Variants in CALN1 observed in about 807,000 individuals in gnomAD.
The protein encoded by CALN1 is calcium-binding protein 8.
CALN1 carries 17 observed loss-of-function variants against 30.6 expected under a neutral mutation model. The ratio of observed to expected loss-of-function variants is 0.56; its 90% CI spans 0.38 to 0.83. CALN1 has a LOEUF of 0.83. Among genes scored for constraint, CALN1 ranks in the 40% least tolerant of loss-of-function variants. The pLI, the probability that CALN1 is intolerant of heterozygous loss-of-function variation, is 0.00. For synonymous variants in CALN1, 156 were observed against 131.4 expected (o/e 1.19, Z -1.28); for missense variants, 291 against 354.9 (o/e 0.82, Z 1.45).
At chr7:72,067,012 C>T (rs1278717803) in intron 4 of CALN1, among the ~76,000 whole-genome samples, 1 of 151,346 alleles carries the variant, frequency 6.6e-6, no homozygotes, top group Non-Finnish European at 1.5e-5. Flanking sequence ...TGGTTTTGAA[C>T]TCCTGAGCTC....
chr7:72,089,743 A>G (rs1043760051), intron 4 of CALN1, among the ~76,000 whole-genome samples: 1 of 152,332 alleles, frequency 6.6e-6, no homozygotes, highest in East Asian at 1.9e-4. Context: ...GGTGAAATCC[A>G]CTATGAGGAC....
At chr7:72,487,889 G>GA in the CALN1 span, among the ~76,000 whole-genome samples, 1 of 51,972 alleles carries the variant, frequency 1.9e-5, no homozygotes, top group African/African-American at 9.2e-5. Context: ...AGAAAGAAAA[G>GA]AAAAGAAAGA....
At chr7:72,108,748 C>T (rs763928141) in intron 3 of CALN1, among the ~76,000 whole-genome samples, 1 of 150,788 alleles carries the variant, frequency 6.6e-6, no homozygotes, top group Non-Finnish European at 1.5e-5. Context: ...TCTCACCATG[C>T]CGCAAGACAC....
chr7:72,378,692 T>G (rs1033093305), intron 2 of CALN1, among the ~76,000 whole-genome samples: 37 of 152,168 alleles, frequency 2.4e-4, no homozygotes, highest in African/African-American at 8.9e-4. Flanking sequence ...GCCAAGTTTT[T>G]TTTTTTTTGA....
intron 3 of CALN1, among the ~76,000 whole-genome samples, chr7:72,248,351 G>A (rs1795326968): frequency 6.6e-6 from 1 of 152,016 alleles, no homozygotes; most frequent in Non-Finnish European, 1.5e-5. Context: ...CACCCACCTT[G>A]GCCTCCCAAA....
At chr7:72,188,710 T>C (rs1367027009) in intron 3 of CALN1, among the ~76,000 whole-genome samples, 5 of 152,020 alleles carry the variant, frequency 3.3e-5, no homozygotes, top group Non-Finnish European at 5.9e-5. Context: ...AAATAGAAAA[T>C]TTAAAAATAA....
chr7:72,234,198 A>G (rs1054897391), intron 3 of CALN1, among the ~76,000 whole-genome samples: 7 of 152,170 alleles, frequency 4.6e-5, no homozygotes, highest in Non-Finnish European at 4.4e-5. Flanking sequence ...AAGGTAAAGC[A>G]GGATTAGAAC....
chr7:72,115,084 G>A (rs942336839), intron 3 of CALN1, among the ~76,000 whole-genome samples: 1 of 146,168 alleles, frequency 6.8e-6, no homozygotes, highest in Non-Finnish European at 1.5e-5. Flanking sequence ...CATTATATAT[G>A]GACATTATAC....
chr7:72,201,502 G>T (rs565831854), intron 3 of CALN1, among the ~76,000 whole-genome samples: 1 of 151,720 alleles, frequency 6.6e-6, no homozygotes, highest in East Asian at 1.9e-4. Flanking sequence ...GAGGCAGGAG[G>T]ATCGCTTGAA....
In CALN1 at chr7:72,140,332, AAGGAAGGAAGGGAGGG is replaced by A. The variant is rs1349920772; in HGVS notation, c.245-34054_245-34039del. ...GAAAGAGAGGAACAGAGAAAGGGAG[AAGGAAGGAAGGGAGGG>A]AGGGAGGGAGGGAGGGAGGGAGGGA... is the stretch of plus-strand genomic sequence containing the variant. On this transcript the variant is annotated intron_variant, in intron 3 of 6. Transcript: ENST00000395275. Among the ~76,000 whole-genome samples, 127 of 82,588 alleles carry A rather than the reference AAGGAAGGAAGGGAGGG, an allele frequency of 1.5e-3. 2 individuals carry two copies. Among genetic ancestry groups the A allele is most frequent in the South Asian group, 3.3e-3 (6 of 1,840 alleles). 54.2% of individuals were successfully genotyped at this position (82,588 alleles called of 152,430 possible).
Position 72,086,871 on chromosome 7 carries a change from G to A in CALN1, c.388+19280C>T, listed in dbSNP as rs565993013. Reference sequence around the variant, plus strand: ...GAACTGTAGCAGTTTTTCAATTATCGTAAATTCAATTAAATAAGGGTCAAA... The same window carrying A: ...GAACTGTAGCAGTTTTTCAATTATCATAAATTCAATTAAATAAGGGTCAAA... On this transcript the variant is annotated intron_variant, in intron 4 of 6. Coordinates refer to ENST00000395275, the MANE Select transcript of CALN1 (RefSeq NM_031468.4). Among the ~76,000 whole-genome samples, 5 of 152,208 alleles carry A rather than the reference G, an allele frequency of 3.3e-5. No individual in the cohort carries two copies. In the East Asian group the frequency reaches 7.7e-4, roughly 23 times the overall value.
chr7:72,267,114 GA>G (rs1467160223), intron 3 of CALN1, among the ~76,000 whole-genome samples: 1 of 152,138 alleles, frequency 6.6e-6, no homozygotes, highest in Non-Finnish European at 1.5e-5. Flanking sequence ...CTTGTAACAG[GA>G]ATGTTTCTGC....
Position 72,327,336 on chromosome 7 carries a change from T to C in CALN1, c.120-48526A>G, listed in dbSNP as rs535605588. On this transcript the variant is annotated intron_variant, in intron 2 of 6. Coordinates refer to ENST00000395275, the MANE Select transcript of CALN1 (RefSeq NM_031468.4). ...TGGTGAAACCCGTCTCTACTAAAAA[T>C]ACGAAAATTAGGTGTGGTGACACGT... 3.3e-5 allele frequency among the ~76,000 whole-genome samples: 5 copies of C among 152,186 alleles called. No homozygotes were observed. In the South Asian group the frequency reaches 8.3e-4, roughly 25 times the overall value.
intron 5 of CALN1, among the ~76,000 whole-genome samples, chr7:71,849,036 A>C (rs1171085682): frequency 1.3e-5 from 2 of 152,044 alleles, no homozygotes; most frequent in Non-Finnish European, 2.9e-5. Flanking sequence ...CATTTAGTCA[A>C]AGCTGTTTGT....
At chr7:72,285,393 G>T (rs1310305350) in intron 2 of CALN1, among the ~76,000 whole-genome samples, 1 of 152,006 alleles carries the variant, frequency 6.6e-6, no homozygotes, top group Non-Finnish European at 1.5e-5. Context: ...ACAGGCGCCT[G>T]CCACCACGTC....
chr7:71,855,053 G>A (rs1180280617), intron 5 of CALN1, among the ~76,000 whole-genome samples: 1 of 152,170 alleles, frequency 6.6e-6, no homozygotes, highest in African/African-American at 2.4e-5. Context: ...AAGTGATTTA[G>A]AACATGCTTC....
chr7:72,140,766 C>T (rs979291667), intron 3 of CALN1, among the ~76,000 whole-genome samples: 1 of 152,228 alleles, frequency 6.6e-6, no homozygotes, highest in Non-Finnish European at 1.5e-5. Flanking sequence ...TCAAGACAAC[C>T]TCCTATCGGA....
intron 5 of CALN1, among the ~76,000 whole-genome samples, chr7:71,821,581 G>C (rs983015785): frequency 8.5e-5 from 13 of 152,098 alleles, no homozygotes; most frequent in African/African-American, 2.7e-4. Flanking sequence ...TCTCCCACTA[G>C]GTCCCTCCTA....
chr7:72,371,924 C>T (rs1248024172), intron 2 of CALN1, among the ~76,000 whole-genome samples: 1 of 152,118 alleles, frequency 6.6e-6, no homozygotes, highest in Non-Finnish European at 1.5e-5. Context: ...GAACTCTGAA[C>T]ATATACACTA....
Sources: gnomAD v4.1 joint callset for allele counts (sites outside exome capture counted in the v4.1 genomes callset) on GRCh38, gnomAD v4.1.1 for gene constraint, MANE v1.5 for transcripts, NCBI Gene and HGNC (gene_info 2026-07-23, HGNC 2026-07-21) for gene names.